Variants in DCAKD observed in about 807,000 individuals in gnomAD.
DCAKD encodes the protein dephospho-CoA kinase domain-containing protein.
A neutral mutation model predicts 18.7 loss-of-function variants in DCAKD; 15 were observed. That is an observed-to-expected ratio of 0.80 (90% confidence interval 0.54 to 1.24). The LOEUF (loss-of-function observed/expected upper bound fraction) is 1.24, where lower values mean the gene tolerates loss of function less well. Among genes scored for constraint, DCAKD ranks in the 50% most tolerant of loss-of-function variants. The pLI, the probability that DCAKD is intolerant of heterozygous loss-of-function variation, is 0.00. For synonymous variants in DCAKD, 130 were observed against 133.0 expected (o/e 0.98, Z 0.16); for missense variants, 301 against 322.0 (o/e 0.93, Z 0.50).
At chr17:45,049,267 CTAAAAA>C (rs1299988623) in intron 1 of DCAKD, among the ~76,000 whole-genome samples, 1 of 151,878 alleles carries the variant, frequency 6.6e-6, no homozygotes, top group African/African-American at 2.4e-5. Flanking sequence ...CTCGTCTCTA[CTAAAAA>C]TAAAAAGAAA....
chr17:45,039,471 A>G (rs1185765676), intron 1 of DCAKD, among the ~76,000 whole-genome samples: 1 of 152,250 alleles, frequency 6.6e-6, no homozygotes, highest in Admixed American at 6.5e-5. Flanking sequence ...CATCTACCCC[A>G]GCCCACTGAA....
rs115000396 is a variant in DCAKD at position 45,061,041 on chromosome 17, G to T, written c.-271C>A. 1.0e-2 allele frequency: 11,852 copies of T among 1,187,052 alleles called. 885 individuals are homozygous for T. The African/African-American group carries it at 0.16, about 16-fold the overall frequency. 73.5% of individuals were successfully genotyped at this position (1,187,052 alleles called of 1,614,324 possible). On this transcript the variant is annotated 5_prime_UTR_variant, in exon 1 of 5. Transcript: ENST00000310604. ...AACTACAACTCCCATCATGCCAGGC[G>T]GCCGCCCGGTTCCCAAGGGTCGGTC...
chr17:45,053,962 T>C, upstream of DCAKD: 1 of 446,192 alleles, frequency 2.2e-6, no homozygotes, highest in South Asian at 1.6e-5. Context: ...CTTGCCTATC[T>C]ACTACTACAA....
chr17:45,028,767 C>A (rs2053111959), intron 4 of DCAKD, among the ~76,000 whole-genome samples: 1 of 150,644 alleles, frequency 6.6e-6, no homozygotes. Context: ...TGCAATGGTG[C>A]AATCTCTGCT....
chr17:45,026,218 C>CTTTTTTTTTT (rs1180056946), intron 4 of DCAKD, among the ~76,000 whole-genome samples: 1 of 109,166 alleles, frequency 9.2e-6, no homozygotes, highest in Non-Finnish European at 1.9e-5. Context: ...CGCGCCTGGA[C>CTTTTTTTTTT]TTTTTTTTTT....
At position 45,059,089 on chromosome 17, in the gene DCAKD, A is replaced by ATC. The variant is rs778947732; in HGVS notation, c.-118+1798_-118+1799insGA. Among the ~76,000 whole-genome samples, 201 of 151,910 alleles carry ATC rather than the reference A, an allele frequency of 1.3e-3. 2 individuals carry two copies. Among genetic ancestry groups the ATC allele is most frequent in the Non-Finnish European group, 2.2e-3 (152 of 67,990 alleles). The stretch of plus-strand genomic sequence containing the variant: ...CCCCGTCTCTACTAAAAATACAAAA[A>ATC]ATTAGCCGGGTGAGGTGGCGGGCAC... On this transcript the variant is annotated intron_variant, in intron 1 of 4. Coordinates refer to the DCAKD transcript ENST00000310604.
intron 1 of DCAKD, among the ~76,000 whole-genome samples, chr17:45,037,878 T>C (rs144020149): frequency 0.037 from 5,680 of 151,574 alleles, 353 homozygotes; most frequent in African/African-American, 0.13. Flanking sequence ...GCCATTCTCC[T>C]GCCTCAAACT....
intron 1 of DCAKD, among the ~76,000 whole-genome samples, chr17:45,059,183 TG>T (rs1688636299): frequency 6.6e-6 from 1 of 151,848 alleles, no homozygotes; most frequent in Admixed American, 6.6e-5. Flanking sequence ...GAGCTTGCAG[TG>T]AGCCAAAATC....
chr17:45,027,219 C>G (rs1293993027), intron 4 of DCAKD, among the ~76,000 whole-genome samples: 1 of 152,114 alleles, frequency 6.6e-6, no homozygotes, highest in Non-Finnish European at 1.5e-5. Context: ...TGCATGCCTG[C>G]AATCCCAGCT....
chr17:45,040,524 T>A (rs958024530), intron 1 of DCAKD, among the ~76,000 whole-genome samples: 12 of 151,792 alleles, frequency 7.9e-5, no homozygotes, highest in Non-Finnish European at 1.3e-4. Context: ...CAACACCAAG[T>A]CCACAGTAAC....
chr17:45,035,292 C>T (rs1387728564), intron 1 of DCAKD, among the ~76,000 whole-genome samples: 7 of 151,964 alleles, frequency 4.6e-5, no homozygotes, highest in Admixed American at 2.0e-4. Context: ...ACCAGCCTGG[C>T]CAACATGGTG....
chr17:45,045,696 C>T (rs1449872687), intron 1 of DCAKD, among the ~76,000 whole-genome samples: 8 of 148,004 alleles, frequency 5.4e-5, no homozygotes, highest in Admixed American at 2.7e-4. Flanking sequence ...CGCACCACTG[C>T]GCTCCAGCCT....
chr17:45,050,782 G>C (rs2053676680), intron 1 of DCAKD, among the ~76,000 whole-genome samples: 1 of 151,598 alleles, frequency 6.6e-6, no homozygotes, highest in Non-Finnish European at 1.5e-5. Context: ...ACTTGGGTAG[G>C]TTGAATCATT....
At chr17:45,029,321 A>G (rs2053125411) in intron 4 of DCAKD, among the ~76,000 whole-genome samples, 1 of 152,258 alleles carries the variant, frequency 6.6e-6, no homozygotes, top group Non-Finnish European at 1.5e-5. Flanking sequence ...CTCCGCCTCC[A>G]GCGTGCTGGG....
intron 1 of DCAKD, among the ~76,000 whole-genome samples, chr17:45,048,994 A>AT (rs2053632363): frequency 6.6e-6 from 1 of 151,482 alleles, no homozygotes; most frequent in Non-Finnish European, 1.5e-5. Context: ...AGGTGGGAGT[A>AT]TTGCTTGAGC....
chr17:45,038,915 C>A (rs1174510732), intron 1 of DCAKD, among the ~76,000 whole-genome samples: 1 of 152,250 alleles, frequency 6.6e-6, no homozygotes, highest in East Asian at 1.9e-4. Context: ...CACTGAGCAT[C>A]TCTGTGCTCT....
At chr17:45,053,506 C>G (rs150332930), upstream of DCAKD, among the ~76,000 whole-genome samples, 12 of 152,198 alleles carry the variant, frequency 7.9e-5, no homozygotes, top group African/African-American at 2.9e-4. Flanking sequence ...ACTGCAACCT[C>G]TACCTCCCGG....
chr17:45,029,590 C>T (rs921667389), intron 4 of DCAKD, among the ~76,000 whole-genome samples: 2 of 152,168 alleles, frequency 1.3e-5, no homozygotes, highest in African/African-American at 4.8e-5. Context: ...AAAGTGCCTT[C>T]CTTAGCTGGG....
chr17:45,028,057 G>A (rs2053093246), intron 4 of DCAKD, among the ~76,000 whole-genome samples: 1 of 150,716 alleles, frequency 6.6e-6, no homozygotes, highest in Admixed American at 6.6e-5. Context: ...GGGTCATCTG[G>A]TGAATGCACA....
Sources: allele counts gnomAD v4.1 joint callset (sites outside exome capture counted in the v4.1 genomes callset), GRCh38; gene constraint gnomAD v4.1.1; transcripts MANE v1.5; gene names NCBI Gene and HGNC (gene_info 2026-07-23, HGNC 2026-07-21).